The following CAPRIN1 variants were observed in gnomAD, a reference collection of about 807,000 sequenced individuals.
The protein encoded by CAPRIN1 is cell cycle associated protein 1, also known as caprin-1.
In CAPRIN1, 29 loss-of-function variants were observed where a neutral mutation model predicts 100.9. The observed-to-expected ratio is 0.29, with a 90% CI of 0.21 to 0.39. The LOEUF (loss-of-function observed/expected upper bound fraction) is 0.39. CAPRIN1 is among the 10% of genes least tolerant of loss of function. The pLI, the probability that CAPRIN1 is intolerant of heterozygous loss-of-function variation, is 1.00. For missense variants in CAPRIN1, 795 were observed against 876.7 expected, an observed-to-expected ratio of 0.91 and a Z score of 1.18; for synonymous variants, 338 against 307.5, an observed-to-expected ratio of 1.10 and a Z score of -1.04.
At chr11:34,062,294 T>A (rs965038329) in intron 2 of CAPRIN1, among the ~76,000 whole-genome samples, 1 of 152,134 alleles carries the variant, frequency 6.6e-6, no homozygotes, top group African/African-American at 2.4e-5. Context: ...GAACAGAGAA[T>A]GTGGGGATTG....
In CAPRIN1 at chr11:34,092,475, A is replaced by G. The variant is rs1414764997; in HGVS notation, c.1705+419A>G. On this transcript the variant is annotated intron_variant, in intron 15 of 18. Coordinates refer to ENST00000341394, the MANE Select transcript of CAPRIN1 (RefSeq NM_005898.5). Reference sequence around the variant, plus strand: ...GGACACAAGCAATCCTCCCTACCTCAGCCTCCCAAGTAGCTTGGGAATACA... The same window carrying G: ...GGACACAAGCAATCCTCCCTACCTCGGCCTCCCAAGTAGCTTGGGAATACA... Among the ~76,000 whole-genome samples, 6 of 151,502 alleles carry G rather than the reference A, an allele frequency of 4.0e-5. No homozygotes were observed. In the South Asian group the frequency reaches 1.3e-3, roughly 32 times the overall value.
intron 2 of CAPRIN1, chr11:34,052,915 T>G: frequency 7.7e-7 from 1 of 1,295,020 alleles, no homozygotes; most frequent in Non-Finnish European, 9.8e-7. Flanking sequence ...TTTTGGCCTT[T>G]AGGAGTGGGA....
intron 4 of CAPRIN1, 39 bp from the exon 5 acceptor site, chr11:34,076,197 T>C: frequency 2.7e-6 from 4 of 1,476,710 alleles, no homozygotes; most frequent in Non-Finnish European, 3.8e-6. Flanking sequence ...AAGTTTTATA[T>C]AACTAATTTT....
chr11:34,059,605 GGCA>G (rs1451874641), intron 2 of CAPRIN1, among the ~76,000 whole-genome samples: 1 of 152,078 alleles, frequency 6.6e-6, no homozygotes, highest in Non-Finnish European at 1.5e-5. Context: ...GCTCTTTGTG[GGCA>G]GAGACTATTA....
In CAPRIN1 at chr11:34,090,541, TTAAA is replaced by T; in HGVS notation, c.1420_1423del (p.Asn474GlnfsTer34). The T allele has an allele frequency of 6.2e-7, 1 of 1,614,016 alleles. No homozygotes were observed. Among genetic ancestry groups the T allele is most frequent in the Non-Finnish European group, 8.5e-7 (1 of 1,179,928 alleles). ...ACTTTGTGTTTAGGCAACAATCTCT[TTAAA>T]TACAGACCAGACTACAGCATCATCA... On this transcript the variant is annotated frameshift_variant, in exon 14 of 19. Coordinates refer to ENST00000341394, the MANE Select transcript of CAPRIN1 (RefSeq NM_005898.5). LOFTEE classifies it high-confidence loss of function.
intron 4 of CAPRIN1, 99 bp downstream of exon 4, chr11:34,072,086 C>T (rs1233102239): frequency 1.7e-5 from 12 of 696,868 alleles, no homozygotes; most frequent in Middle Eastern, 4.0e-4. Flanking sequence ...CAAGGTGAGA[C>T]AGTTGTATCC....
intron 9 of CAPRIN1, 102 bp downstream of exon 9, chr11:34,083,143 A>G: frequency 3.9e-6 from 3 of 764,494 alleles, no homozygotes; most frequent in Non-Finnish European, 6.7e-6. Context: ...TTATTAGTAC[A>G]TTTATTATAA....
chr11:34,097,451 C>T (rs938302454), intron 17 of CAPRIN1, among the ~76,000 whole-genome samples, 155 bp downstream of exon 17: 2 of 152,214 alleles, frequency 1.3e-5, no homozygotes, highest in African/African-American at 2.4e-5. Flanking sequence ...CACTCAACAT[C>T]AGTACTCCTT....
chr11:34,054,800 T>C (rs1850413626), intron 2 of CAPRIN1, among the ~76,000 whole-genome samples: 1 of 152,222 alleles, frequency 6.6e-6, no homozygotes, highest in Non-Finnish European at 1.5e-5. Flanking sequence ...TTAGAATTTC[T>C]TGGAAATGTT....
chr11:34,084,929 G>C (rs1338811241), intron 9 of CAPRIN1, among the ~76,000 whole-genome samples: 1 of 151,926 alleles, frequency 6.6e-6, no homozygotes, highest in East Asian at 1.9e-4. Context: ...CACTGTGCCA[G>C]TGTGGTTTGT....
At chr11:34,064,135 A>T (rs546005627) in intron 2 of CAPRIN1, among the ~76,000 whole-genome samples, 1 of 152,034 alleles carries the variant, frequency 6.6e-6, no homozygotes, top group Admixed American at 6.5e-5. Flanking sequence ...ATCTTATTTT[A>T]TTTGTTTCAT....
intron 6 of CAPRIN1, among the ~76,000 whole-genome samples, chr11:34,078,200 G>A (rs182836778): frequency 2.6e-5 from 4 of 152,224 alleles, no homozygotes; most frequent in East Asian, 3.9e-4. Flanking sequence ...GCCAGGAGCC[G>A]CTGAAGTGAA....
intron 2 of CAPRIN1, among the ~76,000 whole-genome samples, chr11:34,070,826 C>T (rs780050589): frequency 2.6e-5 from 4 of 152,152 alleles, no homozygotes; most frequent in Non-Finnish European, 5.9e-5. Context: ...CCTCAGCCTC[C>T]TGAGTAGCTG....
At position 34,102,087 on chromosome 11, in the gene CAPRIN1, A is replaced by C. The variant is rs922804182; in HGVS notation, c.*2720A>C. ...CTTGATATTAAAACAAATATCCTTTAAGTATTTCTAATCAGTTAGCTTCTA... is the reference window on the plus strand; with the variant it reads ...CTTGATATTAAAACAAATATCCTTTCAGTATTTCTAATCAGTTAGCTTCTA... On this transcript the variant is annotated 3_prime_UTR_variant, in exon 19 of 19. Transcript: ENST00000341394. Among the ~76,000 whole-genome samples the C allele has an allele frequency of 6.6e-6, 1 of 152,122 alleles. No individual in the cohort carries two copies. Among genetic ancestry groups the C allele is most frequent in the Non-Finnish European group, 1.5e-5 (1 of 67,986 alleles).
intron 2 of CAPRIN1, among the ~76,000 whole-genome samples, chr11:34,055,287 C>T (rs1488120553): frequency 6.6e-6 from 1 of 152,074 alleles, no homozygotes; most frequent in Non-Finnish European, 1.5e-5. Flanking sequence ...CTTCAGCCTC[C>T]TAAGTAGCTG....
chr11:34,068,783 C>G (rs1378103160), intron 2 of CAPRIN1, among the ~76,000 whole-genome samples: 2 of 152,096 alleles, frequency 1.3e-5, no homozygotes, highest in Admixed American at 6.5e-5. Context: ...CCATTCTTAC[C>G]TTTTTCATTG....
Position 34,079,864 on chromosome 11 carries a change from A to G in CAPRIN1, c.826+99A>G, listed in dbSNP as rs73501015. On this transcript the variant is annotated intron_variant, in intron 7 of 18. Transcript: ENST00000341394. ...ACACTTACTTAGTTTTCATATATGT[A>G]CACTAGATTTTATTTTTAAAGAGAC... 648 of 1,059,358 alleles carry G rather than the reference A, an allele frequency of 6.1e-4. 4 individuals carry two copies. In the African/African-American group the frequency reaches 8.8e-3, roughly 14 times the overall value. 65.6% of individuals were successfully genotyped at this position (1,059,358 alleles called of 1,614,324 possible).
chr11:34,067,739 T>G (rs1425057896), intron 2 of CAPRIN1, among the ~76,000 whole-genome samples: 2 of 152,192 alleles, frequency 1.3e-5, no homozygotes, highest in Middle Eastern at 3.2e-3. Context: ...CCTCAAGTGA[T>G]CCTTCTGCCT....
intron 15 of CAPRIN1, among the ~76,000 whole-genome samples, chr11:34,095,261 A>G (rs1851348281): frequency 6.6e-6 from 1 of 152,078 alleles, no homozygotes; most frequent in African/African-American, 2.4e-5. Context: ...AAATGATTCT[A>G]AAATTCAGTT....
Sources: gnomAD v4.1 joint callset for allele counts (sites outside exome capture counted in the v4.1 genomes callset) on GRCh38, gnomAD v4.1.1 for gene constraint, MANE v1.5 for transcripts, NCBI Gene and HGNC (gene_info 2026-07-23, HGNC 2026-07-21) for gene names.